The following TSFM variants were observed in gnomAD, a reference collection of about 807,000 sequenced individuals.
TSFM encodes the protein elongation factor Ts, mitochondrial.
In TSFM, 29 loss-of-function variants were observed where a neutral mutation model predicts 33.4. The observed-to-expected ratio is 0.87, with a 90% CI of 0.65 to 1.18. TSFM has a LOEUF of 1.18. Among genes scored for constraint, TSFM ranks in the 50% most tolerant of loss-of-function variants. The pLI is 0.00. For missense variants in TSFM, 394 were observed against 395.6 expected, an observed-to-expected ratio of 1.00 and a Z score of 0.04; for synonymous variants, 178 against 163.5, an observed-to-expected ratio of 1.09 and a Z score of -0.68.
chr12:57,783,771 AT>A (rs1362178146), intron 2 of TSFM: 4 of 585,636 alleles, frequency 6.8e-6, no homozygotes, highest in African/African-American at 1.9e-5. Context: ...TTTATTTTTT[AT>A]TTTTTATTTT....
In TSFM at chr12:57,784,233, A is replaced by G. The variant is rs959015559; in HGVS notation, c.231+950A>G. 3 of 666,232 alleles carry G rather than the reference A, an allele frequency of 4.5e-6. No homozygotes were observed. The African/African-American group carries it at 5.3e-5, about 12-fold the overall frequency. 41.3% of individuals were successfully genotyped at this position (666,232 alleles called of 1,614,324 possible). A position where few individuals can be genotyped will look rare whatever the true frequency, so the allele number is the denominator to read the frequency against. On this transcript the variant is annotated intron_variant, in intron 2 of 5. Transcript: ENST00000652027. Reference sequence around the variant, plus strand: ...AAATAGGCATAAAAGATAAAAAACGATACATCTCCATAGGGAACTTATCAT... The same window carrying G: ...AAATAGGCATAAAAGATAAAAAACGGTACATCTCCATAGGGAACTTATCAT...
At chr12:57,786,936 C>T in intron 3 of TSFM, 104 bp from the exon 4 acceptor site, 1 of 1,294,106 alleles carries the variant, frequency 7.7e-7, no homozygotes. Context: ...TCCGTTGAGT[C>T]TGTAGCTTGT....
chr12:57,799,931 TAAG>T (rs1340337701), downstream of TSFM: 2 of 1,614,060 alleles, frequency 1.2e-6, no homozygotes, highest in African/African-American at 1.3e-5. Flanking sequence ...CTAGGTAAGA[TAAG>T]AATGTAGGCA....
At chr12:57,797,824 G>A, downstream of TSFM, 1 of 1,291,276 alleles carries the variant, frequency 7.7e-7, no homozygotes, top group Non-Finnish European at 1.1e-6. Context: ...ATTATTTCCT[G>A]ATATTGGCAC....
intron 3 of TSFM, 25 bp from the exon 4 acceptor site, chr12:57,787,015 C>T (rs1565821558): frequency 6.2e-7 from 1 of 1,608,606 alleles, no homozygotes; most frequent in Non-Finnish European, 8.5e-7. Flanking sequence ...ACAGCTTATA[C>T]AGCTATATCA....
chr12:57,784,834 C>T lies in TSFM; in HGVS notation c.232-1329C>T, dbSNP rs546129257. ...GGCGGAGGTTGTGGTGAGCCGAGAT[C>T]GTGCCATTGCACTCCAGCCTGGGCA... On this transcript the variant is annotated intron_variant, in intron 2 of 5. Transcript: ENST00000652027. Among the ~76,000 whole-genome samples the T allele has an allele frequency of 1.5e-3, 217 of 148,548 alleles. 1 individual carries two copies. The highest frequency in any genetic ancestry group is 5.1e-3 in the African/African-American group (205 of 40,184).
At chr12:57,788,374 G>T (rs1001305692) in intron 4 of TSFM, among the ~76,000 whole-genome samples, 16 of 151,888 alleles carry the variant, frequency 1.1e-4, no homozygotes, top group African/African-American at 3.9e-4. Flanking sequence ...CCACCTCCTG[G>T]GTTCAAGCAA....
chr12:57,802,569 A>G (rs1955872231), downstream of TSFM: 1 of 722,842 alleles, frequency 1.4e-6, no homozygotes, highest in African/African-American at 1.7e-5. Flanking sequence ...GCCTTTCCAA[A>G]TTGGAGCTGT....
chr12:57,797,666 C>T (rs1955763569), downstream of TSFM: 1 of 753,244 alleles, frequency 1.3e-6, no homozygotes, highest in African/African-American at 1.9e-5. Flanking sequence ...TAGAGGGCCA[C>T]AAAACCCAAA....
downstream of TSFM, chr12:57,797,674 A>C: frequency 2.8e-6 from 2 of 720,762 alleles, no homozygotes; most frequent in Non-Finnish European, 1.8e-6. Context: ...CACAAAACCC[A>C]AAAACTATAT....
chr12:57,802,118 T>C, downstream of TSFM: 1 of 1,603,562 alleles, frequency 6.2e-7, no homozygotes, highest in Non-Finnish European at 8.5e-7. Context: ...TGTTCTGAGC[T>C]ACCTGGCAGG....
Position 57,797,184 on chromosome 12 carries a change from G to T in TSFM, c.*601G>T. 2.0e-6 allele frequency: 2 copies of T among 985,400 alleles called. No homozygotes were observed. Among genetic ancestry groups the T allele is most frequent in the Non-Finnish European group, 2.4e-6 (2 of 829,952 alleles). The allele number at this position is 985,400 out of a possible 1,614,324, so 61.0% of individuals were successfully genotyped here. ...TTTTGGATGATGTGTGGGTGGGTGG[G>T]TACTGAGGTTTCCTGGCCAGCTGTA... On this transcript the variant is annotated 3_prime_UTR_variant, in exon 6 of 6. Coordinates refer to ENST00000652027, the MANE Select transcript of TSFM (RefSeq NM_005726.6).
downstream of TSFM, chr12:57,800,150 C>G: frequency 2.0e-6 from 1 of 507,618 alleles, no homozygotes; most frequent in Non-Finnish European, 3.5e-6. Flanking sequence ...AAGTCCAAGG[C>G]AAGTCCTGTA....
At chr12:57,790,953 G>C (rs962908125) in intron 4 of TSFM, among the ~76,000 whole-genome samples, 14 of 150,588 alleles carry the variant, frequency 9.3e-5, no homozygotes, top group Non-Finnish European at 1.6e-4. Flanking sequence ...TGATCTGCCT[G>C]ACTTGGCCTC....
chr12:57,802,800 CTT>C (rs1955877188), downstream of TSFM: 1 of 572,976 alleles, frequency 1.7e-6, no homozygotes, highest in Admixed American at 3.3e-5. Context: ...GGCTGACCAA[CTT>C]TACCTCCTAA....
chr12:57,793,133 G>T (rs1955686464), intron 5 of TSFM, 60 bp downstream of exon 5: 4 of 1,441,476 alleles, frequency 2.8e-6, no homozygotes, highest in Non-Finnish European at 3.9e-6. Flanking sequence ...TTGTTATCTT[G>T]TTCCTCCAAA....
intron 5 of TSFM, 75 bp downstream of exon 5, chr12:57,793,148 G>T: frequency 1.5e-6 from 2 of 1,322,836 alleles, no homozygotes; most frequent in East Asian, 2.3e-5. Flanking sequence ...TCCAAATCTA[G>T]GTCAAGAATC....
chr12:57,795,002 G>A (rs983139134), intron 5 of TSFM, among the ~76,000 whole-genome samples: 7 of 150,836 alleles, frequency 4.6e-5, no homozygotes, highest in South Asian at 2.1e-4. Context: ...CTTGTGATCC[G>A]CCCACCTCGG....
chr12:57,783,893 G>C lies in TSFM; in HGVS notation c.231+610G>C, dbSNP rs771959815. On this transcript the variant is annotated intron_variant, in intron 2 of 5. Transcript: ENST00000652027. ...GGCTTCCCAGAGTGGTGGGATTACA[G>C]GAGTGAGCCACCGCGCCCGGCTGAC... The C allele has an allele frequency of 4.3e-6, 3 of 695,622 alleles. No homozygotes were observed. The South Asian group carries it at 4.5e-5, about 11-fold the overall frequency. The allele number at this position is 695,622 out of a possible 1,614,324, so 43.1% of individuals were successfully genotyped here.
Sources: gnomAD v4.1 joint callset for allele counts (sites outside exome capture counted in the v4.1 genomes callset) on GRCh38, gnomAD v4.1.1 for gene constraint, MANE v1.5 for transcripts, NCBI Gene and HGNC (gene_info 2026-07-23, HGNC 2026-07-21) for gene names.